Variants in SLC4A7 observed in about 807,000 individuals in gnomAD.
SLC4A7 encodes sodium bicarbonate cotransporter 3.
A neutral mutation model predicts 137.6 loss-of-function variants in SLC4A7; 51 were observed. The observed-to-expected ratio is 0.37, with a 90% CI of 0.30 to 0.47. The LOEUF (loss-of-function observed/expected upper bound fraction) is 0.47, where lower values mean the gene tolerates loss of function less well. SLC4A7 is among the 20% of genes least tolerant of loss of function. SLC4A7 has a pLI of 1.00. For missense variants in SLC4A7, 1,247 were observed against 1,525.4 expected (o/e 0.82, Z 3.04); for synonymous variants, 542 against 518.6 (o/e 1.05, Z -0.61).
chr3:27,463,550 AAAAT>A (rs1015828313), intron 1 of SLC4A7, among the ~76,000 whole-genome samples: 2 of 152,172 alleles, frequency 1.3e-5, no homozygotes, highest in Non-Finnish European at 1.5e-5. Context: ...CAAAAAATAA[AAAAT>A]AAAGCAAGCC....
chr3:27,471,917 G>A (rs755345485), intron 1 of SLC4A7, among the ~76,000 whole-genome samples: 2 of 152,154 alleles, frequency 1.3e-5, no homozygotes, highest in African/African-American at 2.4e-5. Flanking sequence ...CTGTGAGGCC[G>A]ATTGAAAAAG....
At chr3:27,439,161 G>A (rs1384117960) in intron 3 of SLC4A7, among the ~76,000 whole-genome samples, 17 of 152,286 alleles carry the variant, frequency 1.1e-4, no homozygotes, top group Admixed American at 1.1e-3. Flanking sequence ...AGGATAAAGA[G>A]TAGATTCAAT....
intron 2 of SLC4A7, among the ~76,000 whole-genome samples, chr3:27,452,207 T>C (rs980382799): frequency 3.3e-5 from 5 of 152,274 alleles, no homozygotes; most frequent in African/African-American, 1.2e-4. Flanking sequence ...GTTAAGGTAA[T>C]TAATGGTAAC....
At chr3:27,435,540 A>C (rs1446303345) in intron 5 of SLC4A7, among the ~76,000 whole-genome samples, 1 of 152,156 alleles carries the variant, frequency 6.6e-6, no homozygotes, top group Non-Finnish European at 1.5e-5. Flanking sequence ...ATGCCTACCA[A>C]ATAAAATCCT....
chr3:27,471,036 T>G (rs916605949), intron 1 of SLC4A7, among the ~76,000 whole-genome samples: 1 of 152,216 alleles, frequency 6.6e-6, no homozygotes, highest in African/African-American at 2.4e-5. Context: ...ACCTCTTCAC[T>G]TGATCTTAGC....
Position 27,400,815 on chromosome 3 carries a change from C to G in SLC4A7, c.2376G>C (p.Lys792Asn). The change falls in exon 16 of 26, where the codon AAG (lysine) becomes AAC (asparagine). Residue 792 changes from lysine to asparagine, a missense_variant. This residue lies in a region of SLC4A7 where 499 missense variants were observed against 664.2 expected (regional missense o/e 0.75). Transcript: ENST00000454389. ...TATTGTGTGCTGTTATATTATCTTT[C>G]TTCCATTGTGCTAGAGTTTCATTGC... ...NPSNETLAQW[K>N]KDNITAHNIS... is the part of the protein sequence containing the mutation. The G allele has an allele frequency of 6.2e-7, 1 of 1,608,810 alleles. No homozygotes were observed. The highest frequency in any genetic ancestry group is 1.1e-5 in the South Asian group (1 of 90,918).
chr3:27,443,032 C>CTT (rs1175482585), intron 3 of SLC4A7, among the ~76,000 whole-genome samples: 1 of 105,382 alleles, frequency 9.5e-6, no homozygotes, highest in Non-Finnish European at 1.9e-5. Flanking sequence ...TTCTTTTTTT[C>CTT]TTTTTTTTTT....
intron 17 of SLC4A7, 159 bp from the exon 18 acceptor site, chr3:27,397,956 T>A (rs1576195810): frequency 1.6e-6 from 1 of 619,264 alleles, no homozygotes; most frequent in East Asian, 2.8e-5. Context: ...TTTAATTCTT[T>A]CCAAAAATAT....
intron 13 of SLC4A7, among the ~76,000 whole-genome samples, chr3:27,405,750 A>G (rs1032890691): frequency 6.6e-6 from 1 of 152,196 alleles, no homozygotes; most frequent in African/African-American, 2.4e-5. Flanking sequence ...AATATTTAAC[A>G]AAATAAATGA....
At position 27,394,967 on chromosome 3, in the gene SLC4A7, TC is replaced by T. The variant is rs2051988736; in HGVS notation, c.2851del (p.Glu951AsnfsTer4). The T allele has an allele frequency of 6.3e-7, 1 of 1,595,470 alleles. No individual in the cohort carries two copies. On this transcript the variant is annotated frameshift_variant, in exon 19 of 26. Coordinates refer to ENST00000454389, the MANE Select transcript of SLC4A7 (RefSeq NM_001321103.2). LOFTEE classifies it high-confidence loss of function. ...QITAVIINRK[E>X]HKLKKGAGYH... The stretch of plus-strand genomic sequence containing the variant: ...TTCTAAAATTACCTTCAATTTGTGT[TC>T]CTTTCTGTTTATAATTACAGCTGTG...
chr3:27,398,390 T>C, intron 16 of SLC4A7, 37 bp from the exon 17 acceptor site: 1 of 1,532,718 alleles, frequency 6.5e-7, no homozygotes, highest in Non-Finnish European at 8.8e-7. Flanking sequence ...GAATGGGGGA[T>C]TCTTACGTAT....
intron 13 of SLC4A7, among the ~76,000 whole-genome samples, chr3:27,407,479 A>AT (rs1491226418): frequency 1.2e-5 from 1 of 84,340 alleles, no homozygotes; most frequent in African/African-American, 4.1e-5. Context: ...ACTCCGCCTC[A>AT]AAAAAAAAAA....
At chr3:27,438,622 A>G (rs905187496) in intron 3 of SLC4A7, among the ~76,000 whole-genome samples, 1 of 151,666 alleles carries the variant, frequency 6.6e-6, no homozygotes, top group Non-Finnish European at 1.5e-5. Context: ...AAATAACAAA[A>G]TAACATAACA....
At chr3:27,389,692 C>T (rs2051334872) in intron 22 of SLC4A7, among the ~76,000 whole-genome samples, 1 of 151,904 alleles carries the variant, frequency 6.6e-6, no homozygotes, top group South Asian at 2.1e-4. Flanking sequence ...TTTAAAAATA[C>T]AAAACCAAGT....
chr3:27,436,405 G>T lies in SLC4A7; in HGVS notation c.572C>A (p.Thr191Asn), dbSNP rs2056745004. The change falls in exon 5 of 26, where the codon ACT (threonine) becomes AAT (asparagine). Residue 191 changes from threonine (T) to asparagine (N), a missense_variant. Around this residue, in one of 6 missense-constraint regions of SLC4A7, gnomAD observed 223 missense variants for 203.6 expected, o/e 1.10. Transcript: ENST00000454389. ...GTVMLDMRAS[T>N]LDEIADMVLD... ...ACTATAACCTGCTATTTCATCTAGAGTGCTTGCTCTCATATCCAGCATGAC... is the reference window on the plus strand; with the variant it reads ...ACTATAACCTGCTATTTCATCTAGATTGCTTGCTCTCATATCCAGCATGAC... The T allele has an allele frequency of 1.2e-6, 2 of 1,612,182 alleles. No homozygotes were observed. The highest frequency in any genetic ancestry group is 1.7e-5 in the Admixed American group (1 of 59,876).
chr3:27,455,461 T>C (rs978327961), intron 1 of SLC4A7, among the ~76,000 whole-genome samples: 1 of 152,228 alleles, frequency 6.6e-6, no homozygotes, highest in Non-Finnish European at 1.5e-5. Context: ...TAACTGCTCC[T>C]TTCTGGAAAG....
chr3:27,402,189 CT>C (rs2052820071), intron 15 of SLC4A7, among the ~76,000 whole-genome samples: 1 of 152,184 alleles, frequency 6.6e-6, no homozygotes, highest in South Asian at 2.1e-4. Flanking sequence ...CCAAGCGTGA[CT>C]GCTAAAGACA....
At chr3:27,452,303 A>T in intron 2 of SLC4A7, 114 bp downstream of exon 2, 1 of 677,638 alleles carries the variant, frequency 1.5e-6, no homozygotes, top group Non-Finnish European at 2.5e-6. Flanking sequence ...GCTTTACCTT[A>T]CAACAATAAC....
intron 3 of SLC4A7, 56 bp from the exon 4 acceptor site, chr3:27,437,582 T>C (rs1293892254): frequency 9.1e-6 from 11 of 1,204,458 alleles, no homozygotes; most frequent in African/African-American, 1.6e-5. Flanking sequence ...CATTCAAAGA[T>C]AAATTCACAG....
Sources: allele counts gnomAD v4.1 joint callset (sites outside exome capture counted in the v4.1 genomes callset), GRCh38; gene constraint gnomAD v4.1.1; regional missense constraint gnomAD v4.1.1; transcripts MANE v1.5; gene names NCBI Gene and HGNC (gene_info 2026-07-23, HGNC 2026-07-21).